Variants in SGPP2 observed in about 807,000 individuals in gnomAD.
The protein encoded by SGPP2 is sphingosine 1-phosphate phosphohydrolase 2.
Under a neutral mutation model 33.9 loss-of-function variants are expected in SGPP2, and 30 were observed. The ratio of observed to expected loss-of-function variants is 0.89; its 90% CI spans 0.66 to 1.20. The LOEUF (loss-of-function observed/expected upper bound fraction) is 1.20. SGPP2 is among the 50% of genes most tolerant of loss of function. SGPP2 has a pLI of 0.00. For synonymous variants in SGPP2, 233 were observed against 225.0 expected, an observed-to-expected ratio of 1.04 and a Z score of -0.32; for missense variants, 458 against 532.1, an observed-to-expected ratio of 0.86 and a Z score of 1.37.
chr2:222,474,947 T>G (rs1697908352), intron 2 of SGPP2, among the ~76,000 whole-genome samples: 1 of 152,040 alleles, frequency 6.6e-6, no homozygotes, highest in South Asian at 2.1e-4. Context: ...TGGGGGACAG[T>G]GGCTGGTTGT....
At chr2:222,521,427 G>A (rs760664516) in intron 2 of SGPP2, among the ~76,000 whole-genome samples, 3 of 152,198 alleles carry the variant, frequency 2.0e-5, no homozygotes, top group Non-Finnish European at 2.9e-5. Context: ...AAATTGGTCT[G>A]CATTCTCCAG....
intron 2 of SGPP2, among the ~76,000 whole-genome samples, chr2:222,511,399 C>A (rs1698525337): frequency 6.6e-6 from 1 of 152,188 alleles, no homozygotes; most frequent in Admixed American, 6.5e-5. Flanking sequence ...GACCTCCATG[C>A]CATCCTTCAA....
chr2:222,463,301 C>T, intron 1 of SGPP2, among the ~76,000 whole-genome samples: 1 of 152,184 alleles, frequency 6.6e-6, no homozygotes, highest in East Asian at 1.9e-4. Context: ...TCTTGGATTC[C>T]TTTAGAGCTC....
At chr2:222,536,681 AAAAAAAAT>A (rs1352520132) in intron 4 of SGPP2, among the ~76,000 whole-genome samples, 2 of 151,002 alleles carry the variant, frequency 1.3e-5, no homozygotes, top group Non-Finnish European at 2.9e-5. Flanking sequence ...CTCTGTCTCC[AAAAAAAAT>A]AAAAAAATAA....
intron 1 of SGPP2, among the ~76,000 whole-genome samples, chr2:222,434,796 A>G (rs1697209890): frequency 6.6e-6 from 1 of 152,108 alleles, no homozygotes; most frequent in Non-Finnish European, 1.5e-5. Flanking sequence ...CGGCAGCTAA[A>G]AAAGACCAGG....
chr2:222,437,507 C>T (rs1697260801), intron 1 of SGPP2, among the ~76,000 whole-genome samples: 1 of 152,206 alleles, frequency 6.6e-6, no homozygotes, highest in South Asian at 2.1e-4. Flanking sequence ...AGGGAACTCC[C>T]CATGAGGCCA....
rs564749608 is a variant in SGPP2, at chr2:222,540,174, T to C, written c.648+15141T>C. Among the ~76,000 whole-genome samples the C allele has an allele frequency of 6.6e-5, 10 of 152,318 alleles. No homozygotes were observed. In the South Asian group the frequency reaches 1.9e-3, roughly 28 times the overall value. On this transcript the variant is annotated intron_variant, in intron 4 of 4. Coordinates refer to ENST00000321276, the MANE Select transcript of SGPP2 (RefSeq NM_152386.4). The stretch of plus-strand genomic sequence containing the variant: ...GGGTTTTTTCAGATTTTTGAATATT[T>C]GAAAGTACCAACTGACATATCTTGT...
At position 222,558,756 on chromosome 2, in the gene SGPP2, G is replaced by A; in HGVS notation, c.1058G>A (p.Trp353Ter). The change falls in exon 5 of 5, where the codon TGG becomes TAG. Residue 353 changes from tryptophan (W) to a stop codon, truncating the protein, a stop_gained. Coordinates refer to ENST00000321276, the MANE Select transcript of SGPP2 (RefSeq NM_152386.4). LOFTEE classifies it high-confidence loss of function. ...QNLSLQVLYS[W>*]FKVVTRNKEA... is the part of the protein sequence containing the mutation. ...CTCTCACTGCAAGTATTATACTCAT[G>A]GTTCAAGGTGGTCACCAGGAACAAG... The A allele has an allele frequency of 1.2e-6, 2 of 1,614,154 alleles. No homozygotes were observed. Among genetic ancestry groups the A allele is most frequent in the Non-Finnish European group, 1.7e-6 (2 of 1,180,028 alleles).
chr2:222,442,658 T>G (rs563931309), intron 1 of SGPP2, among the ~76,000 whole-genome samples: 24 of 152,242 alleles, frequency 1.6e-4, no homozygotes, highest in Non-Finnish European at 3.2e-4. Flanking sequence ...GATTACTAAA[T>G]GAGTTTCTTT....
Position 222,427,077 on chromosome 2 carries a change from G to A in SGPP2, c.219+2256G>A, listed in dbSNP as rs373016350. On this transcript the variant is annotated intron_variant, in intron 1 of 4. Transcript: ENST00000321276. ...ATTTCTTCATTACAGCATTTATCAC[G>A]TTGTTTAAATGTGCCTTTGTGTGGA... Among the ~76,000 whole-genome samples the A allele has an allele frequency of 3.3e-3, 507 of 152,158 alleles. 3 individuals carry two copies. The highest frequency in any genetic ancestry group is 0.011 in the African/African-American group (460 of 41,492).
At chr2:222,466,963 G>A (rs979882582) in intron 1 of SGPP2, among the ~76,000 whole-genome samples, 1 of 152,122 alleles carries the variant, frequency 6.6e-6, no homozygotes, top group African/African-American at 2.4e-5. Flanking sequence ...CATGGTATCT[G>A]TTCACTGTTC....
intron 1 of SGPP2, among the ~76,000 whole-genome samples, chr2:222,454,158 AT>A (rs1047335988): frequency 6.6e-6 from 1 of 151,924 alleles, no homozygotes; most frequent in African/African-American, 2.4e-5. Flanking sequence ...TTACTTCATG[AT>A]TTTTTTTGCC....
In SGPP2 at chr2:222,476,299, G is replaced by A. The variant is rs1342800505; in HGVS notation, c.378+1573G>A. 6.6e-6 allele frequency among the ~76,000 whole-genome samples: 1 copy of A among 152,104 alleles called. No individual in the cohort carries two copies. Among genetic ancestry groups the A allele is most frequent in the African/African-American group, 2.4e-5 (1 of 41,406 alleles). On this transcript the variant is annotated intron_variant, in intron 2 of 4. Transcript: ENST00000321276. This position sits in a 1 kb window ranked among gnomAD's most constrained non-coding sequence, Gnocchi z 4.3. Reference sequence around the variant, plus strand: ...GACAGAAATAAAGCAGCAATGTCCTGGGCCAGGGTGAGGGGTGGCAAGGGC... The same window carrying A: ...GACAGAAATAAAGCAGCAATGTCCTAGGCCAGGGTGAGGGGTGGCAAGGGC...
intron 2 of SGPP2, among the ~76,000 whole-genome samples, chr2:222,510,145 TG>T (rs1263142981): frequency 6.6e-6 from 1 of 152,230 alleles, no homozygotes; most frequent in Admixed American, 6.5e-5. Context: ...TTAAACTTTT[TG>T]GAAACTGAGA....
At chr2:222,544,992 T>C (rs575297725) in intron 4 of SGPP2, among the ~76,000 whole-genome samples, 3 of 150,748 alleles carry the variant, frequency 2.0e-5, no homozygotes, top group African/African-American at 7.2e-5. Flanking sequence ...CCTATCTAAG[T>C]ATATTTCTCA....
intron 1 of SGPP2, among the ~76,000 whole-genome samples, chr2:222,425,948 TC>T (rs976424404): frequency 1.3e-5 from 2 of 152,140 alleles, no homozygotes; most frequent in African/African-American, 4.8e-5. Flanking sequence ...CTGTATTTTT[TC>T]CTCTTTATTG....
intron 4 of SGPP2, among the ~76,000 whole-genome samples, chr2:222,554,224 CTG>C (rs757518807): frequency 7.9e-5 from 12 of 152,242 alleles, no homozygotes; most frequent in Non-Finnish European, 1.8e-4. Flanking sequence ...AAGAGTATCT[CTG>C]TATCTGCCCA....
chr2:222,491,050 T>C (rs1698189429), intron 2 of SGPP2, among the ~76,000 whole-genome samples: 1 of 152,224 alleles, frequency 6.6e-6, no homozygotes, highest in South Asian at 2.1e-4. Flanking sequence ...CCAGTAATAA[T>C]TGTCTCATGC....
At chr2:222,535,469 G>C (rs1473073602) in intron 4 of SGPP2, among the ~76,000 whole-genome samples, 1 of 152,088 alleles carries the variant, frequency 6.6e-6, no homozygotes, top group African/African-American at 2.4e-5. Flanking sequence ...GGAAGTCTAG[G>C]ATGGGAGCTG....
Sources: allele counts gnomAD v4.1 joint callset (sites outside exome capture counted in the v4.1 genomes callset), GRCh38; gene constraint gnomAD v4.1.1; non-coding constraint Gnocchi (gnomAD v3.1); transcripts MANE v1.5; gene names NCBI Gene and HGNC (gene_info 2026-07-23, HGNC 2026-07-21).